Variants in TNNI3K observed in about 807,000 individuals in gnomAD.
TNNI3K encodes the protein serine/threonine-protein kinase TNNI3K.
A neutral mutation model predicts 114.5 loss-of-function variants in TNNI3K; 140 were observed. That is an observed-to-expected ratio of 1.22 (90% CI 1.07 to 1.41). The LOEUF is 1.41. Ranked by LOEUF, TNNI3K falls within the 40% of genes most tolerant of loss-of-function variation. TNNI3K has a pLI of 0.00. For missense variants in TNNI3K, 1,125 were observed against 1,007.6 expected, an observed-to-expected ratio of 1.12 and a Z score of -1.58; for synonymous variants, 347 against 347.5, an observed-to-expected ratio of 1.00 and a Z score of 0.02.
intron 7 of TNNI3K, among the ~76,000 whole-genome samples, chr1:74,339,748 G>A (rs1660657604): frequency 1.3e-5 from 2 of 151,618 alleles, no homozygotes; most frequent in African/African-American, 4.8e-5. Context: ...TGAAAAAGGA[G>A]AAATATAATG....
chr1:74,310,171 G>T (rs1017612980), intron 5 of TNNI3K, among the ~76,000 whole-genome samples: 1 of 152,024 alleles, frequency 6.6e-6, no homozygotes, highest in African/African-American at 2.4e-5. Context: ...AATAATGTTC[G>T]AGCTGAGAAT....
intron 21 of TNNI3K, chr1:74,475,330 G>A: frequency 1.4e-6 from 1 of 706,824 alleles, no homozygotes; most frequent in East Asian, 2.7e-5. Flanking sequence ...CAGAGTTTGA[G>A]GCTGGACTTC....
At chr1:74,332,287 G>T (rs1208486907) in intron 6 of TNNI3K, among the ~76,000 whole-genome samples, 1 of 151,284 alleles carries the variant, frequency 6.6e-6, no homozygotes, top group Non-Finnish European at 1.5e-5. Flanking sequence ...CCTGAAATTG[G>T]CTATTTGCCC....
At chr1:74,422,400 C>A (rs1190009157) in intron 17 of TNNI3K, among the ~76,000 whole-genome samples, 2 of 152,126 alleles carry the variant, frequency 1.3e-5, no homozygotes, top group African/African-American at 2.4e-5. Flanking sequence ...ATTTTTTCCA[C>A]AAGTATTATT....
chr1:74,263,307 T>G (rs1186085133), intron 4 of TNNI3K, among the ~76,000 whole-genome samples: 1 of 152,090 alleles, frequency 6.6e-6, no homozygotes, highest in African/African-American at 2.4e-5. Context: ...GCCATATATA[T>G]TTCCATTCCT....
chr1:74,256,503 T>C lies in TNNI3K; in HGVS notation c.333+5734T>C, dbSNP rs185457403. ...ATTTTCTTGAATTGTGAGGGAACTT[T>C]ATCTATTCTAATACAATTCTTTTCT... On this transcript the variant is annotated intron_variant, in intron 4 of 24. Transcript: ENST00000326637. Among the ~76,000 whole-genome samples the C allele has an allele frequency of 3.9e-3, 596 of 152,038 alleles. 4 individuals carry two copies. The highest frequency in any genetic ancestry group is 0.014 in the African/African-American group (570 of 41,520).
At position 74,301,264 on chromosome 1, in the gene TNNI3K, G is replaced by T. The variant is rs370179838; in HGVS notation, c.444+29556G>T. On this transcript the variant is annotated intron_variant, in intron 5 of 24. Transcript: ENST00000326637. ...AAAATACAAAACTTAGCCAGGCGTG[G>T]TGGTGCACGCCAATAGTCCCAGCTA... Among the ~76,000 whole-genome samples, 5 of 152,022 alleles carry T rather than the reference G, an allele frequency of 3.3e-5. No individual in the cohort carries two copies. In the South Asian group the frequency reaches 8.3e-4, roughly 25 times the overall value.
intron 5 of TNNI3K, among the ~76,000 whole-genome samples, chr1:74,313,760 T>C (rs762901797): frequency 2.6e-5 from 4 of 152,042 alleles, no homozygotes; most frequent in Non-Finnish European, 4.4e-5. Flanking sequence ...CTGTACTCTG[T>C]GTTGATGCTT....
chr1:74,387,573 A>T (rs563535130), intron 17 of TNNI3K, among the ~76,000 whole-genome samples: 1 of 152,210 alleles, frequency 6.6e-6, no homozygotes, highest in African/African-American at 2.4e-5. Context: ...CATTTCTTAT[A>T]AAGGAATTTA....
chr1:74,447,147 A>G (rs1390890154), intron 20 of TNNI3K, among the ~76,000 whole-genome samples: 4 of 151,448 alleles, frequency 2.6e-5, no homozygotes, highest in East Asian at 3.9e-4. Flanking sequence ...GGCCATTTTC[A>G]CGATATTGAT....
intron 5 of TNNI3K, among the ~76,000 whole-genome samples, chr1:74,304,970 G>A (rs1310997090): frequency 2.0e-5 from 3 of 152,116 alleles, no homozygotes; most frequent in Admixed American, 1.3e-4. Context: ...ACATGTATTT[G>A]TGAGTTCATT....
At chr1:74,289,964 C>G (rs962854961) in intron 5 of TNNI3K, among the ~76,000 whole-genome samples, 16 of 151,732 alleles carry the variant, frequency 1.1e-4, no homozygotes, top group African/African-American at 3.9e-4. Flanking sequence ...AGTCAATCAC[C>G]ATTTTATAGT....
At chr1:74,414,740 T>C (rs1665038508) in intron 17 of TNNI3K, among the ~76,000 whole-genome samples, 1 of 152,174 alleles carries the variant, frequency 6.6e-6, no homozygotes, top group African/African-American at 2.4e-5. Context: ...TCAACTCTCT[T>C]GAATGTATGT....
chr1:74,436,873 T>C (rs1390400864), intron 19 of TNNI3K, among the ~76,000 whole-genome samples: 2 of 152,102 alleles, frequency 1.3e-5, no homozygotes, highest in Non-Finnish European at 2.9e-5. Context: ...ACAATAAAAT[T>C]AGTAGTTCAT....
intron 20 of TNNI3K, among the ~76,000 whole-genome samples, chr1:74,444,307 A>G (rs1666528336): frequency 2.0e-5 from 3 of 151,848 alleles, no homozygotes; most frequent in South Asian, 4.2e-4. Context: ...TTAAAAACCT[A>G]TTAAGCTTTA....
chr1:74,464,659 C>T, intron 21 of TNNI3K: 1 of 1,593,678 alleles, frequency 6.3e-7, no homozygotes, highest in Non-Finnish European at 8.5e-7. Flanking sequence ...AAGTCATTAC[C>T]CAGTCTCATC....
At chr1:74,297,554 T>C (rs1658073511) in intron 5 of TNNI3K, among the ~76,000 whole-genome samples, 1 of 151,822 alleles carries the variant, frequency 6.6e-6, no homozygotes, top group South Asian at 2.1e-4. Context: ...TGTGTGTGTG[T>C]ATAAATATAA....
chr1:74,470,054 C>T, intron 21 of TNNI3K: 2 of 400,664 alleles, frequency 5.0e-6, no homozygotes. Flanking sequence ...TGTGTCTCCA[C>T]TGTCATTGCG....
At chr1:74,376,548 G>A (rs1662912666) in intron 17 of TNNI3K, 1 of 151,910 alleles carries the variant, frequency 6.6e-6, no homozygotes, top group African/African-American at 2.4e-5. Context: ...TGAAATCCTT[G>A]ACAACCCTGT....
Sources: allele counts gnomAD v4.1 joint callset (sites outside exome capture counted in the v4.1 genomes callset), GRCh38; gene constraint gnomAD v4.1.1; transcripts MANE v1.5; gene names NCBI Gene and HGNC (gene_info 2026-07-23, HGNC 2026-07-21).